The following MAMDC2 variants were observed in gnomAD, a reference collection of about 807,000 sequenced individuals.
The protein encoded by MAMDC2 is MAM domain containing 2.
Under a neutral mutation model 89.8 loss-of-function variants are expected in MAMDC2, and 57 were observed. That is an observed-to-expected ratio of 0.63 (90% CI 0.51 to 0.79). The LOEUF is 0.79. Among genes scored for constraint, MAMDC2 ranks in the 30% least tolerant of loss-of-function variants. MAMDC2 has a pLI of 0.00. For missense variants in MAMDC2, 800 were observed against 820.6 expected (o/e 0.97, Z 0.31); for synonymous variants, 313 against 293.4 (o/e 1.07, Z -0.68).
At chr9:70,054,190 A>G (rs982479317) in intron 2 of MAMDC2, among the ~76,000 whole-genome samples, 10 of 152,156 alleles carry the variant, frequency 6.6e-5, no homozygotes, top group African/African-American at 2.2e-4. Context: ...TCTGGGCAGG[A>G]GTATGGGAAC....
chr9:70,091,789 T>C (rs564237664), intron 2 of MAMDC2, among the ~76,000 whole-genome samples: 2 of 152,166 alleles, frequency 1.3e-5, no homozygotes, highest in South Asian at 4.1e-4. Flanking sequence ...ATGAACACAG[T>C]TGCTATCAGT....
At chr9:70,126,668 G>T (rs896849238) in intron 6 of MAMDC2, among the ~76,000 whole-genome samples, 1 of 152,158 alleles carries the variant, frequency 6.6e-6, no homozygotes, top group African/African-American at 2.4e-5. Flanking sequence ...GCTAAAGCCA[G>T]TTAACCAACT....
rs376898266 is a variant in MAMDC2 at position 70,168,695 on chromosome 9, A to C, written c.1405-7A>C. 2.2e-5 allele frequency: 35 copies of C among 1,611,656 alleles called. No individual in the cohort carries two copies. Among genetic ancestry groups the C allele is most frequent in the Non-Finnish European group, 2.9e-5 (34 of 1,178,048 alleles). ...AGAATTCATAGCTTTATTTTTATGA[A>C]TTTCAGGTGGTTTTCATGAGCCTAT... On this transcript the variant is annotated splice_polypyrimidine_tract_variant and splice_region_variant and intron_variant, in intron 9 of 13. Coordinates refer to ENST00000377182, the MANE Select transcript of MAMDC2 (RefSeq NM_153267.5).
At chr9:70,044,298 C>T (rs1193165734) in intron 1 of MAMDC2, 67 bp downstream of exon 1, 3 of 1,546,398 alleles carry the variant, frequency 1.9e-6, no homozygotes, top group African/African-American at 2.7e-5. Flanking sequence ...CTGCTGCCCC[C>T]GGGGGTCCGG....
intron 5 of MAMDC2, among the ~76,000 whole-genome samples, chr9:70,122,483 T>G (rs2030329613): frequency 6.6e-6 from 1 of 152,186 alleles, no homozygotes; most frequent in African/African-American, 2.4e-5. Context: ...AAGCTGACAC[T>G]AAGCTGGGAC....
chr9:70,084,481 C>T (rs1210704806), intron 2 of MAMDC2, among the ~76,000 whole-genome samples: 1 of 152,028 alleles, frequency 6.6e-6, no homozygotes, highest in Non-Finnish European at 1.5e-5. Flanking sequence ...GCCATGGGCT[C>T]CATATAGTCA....
intron 5 of MAMDC2, among the ~76,000 whole-genome samples, chr9:70,118,806 C>T (rs1200467714): frequency 6.6e-6 from 1 of 152,138 alleles, no homozygotes; most frequent in Non-Finnish European, 1.5e-5. Context: ...GAAGTCTTCC[C>T]AGGAGAGTGC....
chr9:70,052,554 G>C (rs1426283392), intron 2 of MAMDC2, among the ~76,000 whole-genome samples: 3 of 152,054 alleles, frequency 2.0e-5, no homozygotes, highest in Admixed American at 1.3e-4. Flanking sequence ...ACTTTCCACT[G>C]TGTAAGTCTT....
chr9:70,185,597 T>C (rs150473215), intron 11 of MAMDC2, among the ~76,000 whole-genome samples: 78 of 152,292 alleles, frequency 5.1e-4, no homozygotes, highest in African/African-American at 1.7e-3. Flanking sequence ...AGGAGTGATC[T>C]AGGGAGGCAG....
chr9:70,189,924 C>T lies in MAMDC2; in HGVS notation c.1651+19293C>T, dbSNP rs540759175. 8.2e-4 allele frequency among the ~76,000 whole-genome samples: 124 copies of T among 152,108 alleles called. 1 individual carries two copies. The highest frequency in any genetic ancestry group is 2.7e-3 in the African/African-American group (113 of 41,504). On this transcript the variant is annotated intron_variant, in intron 11 of 13. Transcript: ENST00000377182. The stretch of plus-strand genomic sequence containing the variant: ...CATTATATTTTTCAAATCTGTAATT[C>T]GTACATGGTTCTTACTTATAATTTG...
intron 11 of MAMDC2, among the ~76,000 whole-genome samples, chr9:70,199,847 T>C (rs1008526824): frequency 2.7e-5 from 4 of 150,488 alleles, no homozygotes; most frequent in African/African-American, 7.3e-5. Context: ...CATAAATGTC[T>C]TCTTTTGAGA....
chr9:70,061,970 G>A (rs1214309455), intron 2 of MAMDC2, among the ~76,000 whole-genome samples: 1 of 151,612 alleles, frequency 6.6e-6, no homozygotes, highest in Non-Finnish European at 1.5e-5. Context: ...GCTGTAATGG[G>A]ATTCAGCTGT....
chr9:70,204,384 G>C (rs1203936578), intron 11 of MAMDC2, among the ~76,000 whole-genome samples: 1 of 151,826 alleles, frequency 6.6e-6, no homozygotes, highest in African/African-American at 2.4e-5. Context: ...CAGGGGTCAG[G>C]GACCCACTTG....
At chr9:70,184,074 T>C (rs536373685) in intron 11 of MAMDC2, among the ~76,000 whole-genome samples, 1 of 152,344 alleles carries the variant, frequency 6.6e-6, no homozygotes, top group South Asian at 2.1e-4. Flanking sequence ...AGGGCAAGCC[T>C]GGTGGTGACG....
chr9:70,131,591 G>C lies in MAMDC2; in HGVS notation c.973G>C (p.Val325Leu). The change falls in exon 7 of 14, where the codon GTT becomes CTT. Residue 325 changes from valine (V) to leucine (L), a missense_variant. Val to Leu is a conservative substitution (Grantham distance 32). Coordinates refer to ENST00000377182, the MANE Select transcript of MAMDC2 (RefSeq NM_153267.5). ...CCTGGATGATATTTCATTCTCTCCT[G>C]TTCACTGCCAGAATCAGACAGGTGA... ...VALDDISFSPVHCQNQTELLF... is the reference protein window; with the variant it reads ...VALDDISFSPLHCQNQTELLF... 1 of 1,609,566 alleles carries C rather than the reference G, an allele frequency of 6.2e-7. No homozygotes were observed. Among genetic ancestry groups the C allele is most frequent in the Non-Finnish European group, 8.5e-7 (1 of 1,178,694 alleles).
At chr9:70,161,739 T>TA (rs1315740258) in intron 9 of MAMDC2, among the ~76,000 whole-genome samples, 1 of 152,202 alleles carries the variant, frequency 6.6e-6, no homozygotes, top group Non-Finnish European at 1.5e-5. Flanking sequence ...TGAATGCAAT[T>TA]ACATCGTATA....
rs868553418 is a variant in MAMDC2 at position 70,179,368 on chromosome 9, C to A, written c.1651+8737C>A. On this transcript the variant is annotated intron_variant, in intron 11 of 13. Coordinates refer to ENST00000377182, the MANE Select transcript of MAMDC2 (RefSeq NM_153267.5). ...TCTACTAAAAACACACACACACACACACAAAATTAGCTGGGTGTGGTGGCG... is the reference window on the plus strand; with the variant it reads ...TCTACTAAAAACACACACACACACAAACAAAATTAGCTGGGTGTGGTGGCG... 8.0e-3 allele frequency among the ~76,000 whole-genome samples: 1,200 copies of A among 150,874 alleles called. 7 individuals are homozygous for A. Among genetic ancestry groups the A allele is most frequent in the African/African-American group, 0.028 (1,143 of 41,076 alleles).
At chr9:70,111,952 G>A (rs1828521327) in intron 4 of MAMDC2, among the ~76,000 whole-genome samples, 1 of 152,208 alleles carries the variant, frequency 6.6e-6, no homozygotes, top group Non-Finnish European at 1.5e-5. Context: ...TGTCAAACAA[G>A]GGCTGCTTGA....
intron 11 of MAMDC2, among the ~76,000 whole-genome samples, chr9:70,184,578 CTT>C (rs2032710614): frequency 6.6e-6 from 1 of 151,824 alleles, no homozygotes; most frequent in African/African-American, 2.4e-5. Context: ...CTTTGATCAT[CTT>C]TTTCATTTTT....
Sources: gnomAD v4.1 joint callset for allele counts (sites outside exome capture counted in the v4.1 genomes callset) on GRCh38, gnomAD v4.1.1 for gene constraint, MANE v1.5 for transcripts, NCBI Gene and HGNC (gene_info 2026-07-23, HGNC 2026-07-21) for gene names.